The following PCDHGA9 variants were observed in gnomAD, a reference collection of about 807,000 sequenced individuals.
PCDHGA9 encodes the protein protocadherin gamma subfamily A, 9.
In PCDHGA9, 37 loss-of-function variants were observed where a neutral mutation model predicts 62.5. The ratio of observed to expected loss-of-function variants is 0.59; its 90% CI spans 0.46 to 0.78. The LOEUF is 0.78. Ranked by LOEUF, PCDHGA9 falls within the 30% of genes least tolerant of loss-of-function variation. The pLI is 0.00. For synonymous variants in PCDHGA9, 459 were observed against 484.6 expected (o/e 0.95, Z 0.69); for missense variants, 1,138 against 1,166.2 (o/e 0.98, Z 0.35).
intron 1 of PCDHGA9, among the ~76,000 whole-genome samples, chr5:141,457,224 A>G (rs1176186371): frequency 6.6e-6 from 1 of 152,158 alleles, no homozygotes; most frequent in African/African-American, 2.4e-5. Flanking sequence ...GTGGTAGGTA[A>G]TTTCCATCTA....
In PCDHGA9 at chr5:141,511,307, G is replaced by A. The variant is rs919320754; in HGVS notation, c.*134G>A. On this transcript the variant is annotated 3_prime_UTR_variant, in exon 4 of 4. Coordinates refer to ENST00000573521, the MANE Select transcript of PCDHGA9 (RefSeq NM_018921.3). ...TAGGGGCCAAGGCCATGCTCCCCTT[G>A]GGAAACAGAAACAAGTGCCCAGTCA... 8 of 1,488,416 alleles carry A rather than the reference G, an allele frequency of 5.4e-6. No individual in the cohort carries two copies. Among genetic ancestry groups the A allele is most frequent in the Non-Finnish European group, 5.4e-6 (6 of 1,115,202 alleles). The allele number at this position is 1,488,416 out of a possible 1,614,324, so 92.2% of individuals were successfully genotyped here. A position where few individuals can be genotyped will look rare whatever the true frequency, so the allele number is the denominator to read the frequency against.
Position 141,421,313 on chromosome 5 carries a change from C to T in PCDHGA9, c.2424+15937C>T, listed in dbSNP as rs201429116. 461 of 1,613,716 alleles carry T rather than the reference C, an allele frequency of 2.9e-4. No homozygotes were observed. Among genetic ancestry groups the T allele is most frequent in the Non-Finnish European group, 3.7e-4 (436 of 1,179,850 alleles). On this transcript the variant is annotated intron_variant, in intron 1 of 3. Coordinates refer to ENST00000573521, the MANE Select transcript of PCDHGA9 (RefSeq NM_018921.3). ...CTGGGGACGCTGCGGGGGTTCCGGGCCAGGCAGATCCGATATTCGGTGCCA... is the reference window on the plus strand; with the variant it reads ...CTGGGGACGCTGCGGGGGTTCCGGGTCAGGCAGATCCGATATTCGGTGCCA...
rs1484954022 is a variant in PCDHGA9 at position 141,511,920 on chromosome 5, T to C, written c.*747T>C. 1 of 156,200 alleles carries C rather than the reference T, an allele frequency of 6.4e-6. No individual in the cohort carries two copies. Among genetic ancestry groups the C allele is most frequent in the Non-Finnish European group, 1.4e-5 (1 of 70,262 alleles). The allele number at this position is 156,200 out of a possible 1,614,324, so 9.7% of individuals were successfully genotyped here. The stretch of plus-strand genomic sequence containing the variant: ...CTCCTCCTCAAACAAGAGACTCCAC[T>C]GCATGTTCCAAGACAGTATGGGGTG... On this transcript the variant is annotated 3_prime_UTR_variant, in exon 4 of 4. Coordinates refer to ENST00000573521, the MANE Select transcript of PCDHGA9 (RefSeq NM_018921.3).
rs1245270186 is a variant in PCDHGA9, at chr5:141,403,308, T to C, written c.356T>C (p.Ile119Thr). The stretch of plus-strand genomic sequence containing the variant: ...GAAGACAGAGTGAAACTGTACGGAA[T>C]AGAAATAGAAGTAACTGATATTAAC... Reference protein sequence around the residue: ...LVEDRVKLYGIEIEVTDINDS... With the variant: ...LVEDRVKLYGTEIEVTDINDS... The change falls in exon 1 of 4, where the codon ATA (isoleucine) becomes ACA (threonine). Residue 119 changes from isoleucine to threonine, a missense_variant. Physicochemically the swap from Ile to Thr is moderately conservative, Grantham distance 89. Coordinates refer to ENST00000573521, the MANE Select transcript of PCDHGA9 (RefSeq NM_018921.3). 2 of 1,613,866 alleles carry C rather than the reference T, an allele frequency of 1.2e-6. No individual in the cohort carries two copies. The highest frequency in any genetic ancestry group is 1.7e-5 in the Admixed American group (1 of 60,022).
chr5:141,427,114 A>G (rs767478190), intron 1 of PCDHGA9: 1 of 457,522 alleles, frequency 2.2e-6, no homozygotes, highest in Non-Finnish European at 4.4e-6. Flanking sequence ...GAGATCACCT[A>G]CTCTTTCAAA....
In PCDHGA9 at chr5:141,505,323, G is replaced by T. The variant is rs996747379; in HGVS notation, c.2484-70G>T. 12 of 1,606,640 alleles carry T rather than the reference G, an allele frequency of 7.5e-6. No homozygotes were observed. In the African/African-American group the frequency reaches 1.5e-4, roughly 20 times the overall value. On this transcript the variant is annotated intron_variant, in intron 2 of 3. Transcript: ENST00000573521. Reference sequence around the variant, plus strand: ...TAGGGTACTAGGTTTGGGAGCCCTGGGAGAGGACAGGAGGGGCATGAGCTG... The same window carrying T: ...TAGGGTACTAGGTTTGGGAGCCCTGTGAGAGGACAGGAGGGGCATGAGCTG...
At position 141,485,331 on chromosome 5, in the gene PCDHGA9, T is replaced by G; in HGVS notation, c.2425-9476T>G. 6.2e-7 allele frequency: 1 copy of G among 1,614,166 alleles called. No individual in the cohort carries two copies. Among genetic ancestry groups the G allele is most frequent in the Admixed American group, 1.7e-5 (1 of 60,022 alleles). Reference sequence around the variant, plus strand: ...GTAGGGAATGTCGCTCAAGATTTCCTGCTGGATACGGACAGTCTGTCAGCT... The same window carrying G: ...GTAGGGAATGTCGCTCAAGATTTCCGGCTGGATACGGACAGTCTGTCAGCT... On this transcript the variant is annotated intron_variant, in intron 1 of 3. Coordinates refer to ENST00000573521, the MANE Select transcript of PCDHGA9 (RefSeq NM_018921.3). The surrounding 1 kb of genome is among the most constrained non-coding windows in gnomAD (Gnocchi z 5.7).
rs2099410057 is a variant in PCDHGA9, at chr5:141,477,370, G to C, written c.2425-17437G>C. The C allele has an allele frequency of 6.2e-7, 1 of 1,614,054 alleles. No homozygotes were observed. On this transcript the variant is annotated intron_variant, in intron 1 of 3. Coordinates refer to ENST00000573521, the MANE Select transcript of PCDHGA9 (RefSeq NM_018921.3). This position sits in a 1 kb window ranked among gnomAD's most constrained non-coding sequence, Gnocchi z 4.9. The stretch of plus-strand genomic sequence containing the variant: ...AAACCAGTGCAGACCTGGATCGGGA[G>C]ACTGTGCCAGAATACAACCTCAGCA...
At chr5:141,408,990 A>T (rs1554103244) in intron 1 of PCDHGA9, 1 of 1,613,984 alleles carries the variant, frequency 6.2e-7, no homozygotes, top group South Asian at 1.1e-5. Flanking sequence ...CCTGTGTTGC[A>T]AGTGACAGCC....
At position 141,487,892 on chromosome 5, in the gene PCDHGA9, T is replaced by C; in HGVS notation, c.2425-6915T>C. The C allele has an allele frequency of 2.7e-6, 2 of 731,410 alleles. No individual in the cohort carries two copies. The highest frequency in any genetic ancestry group is 4.4e-6 in the Non-Finnish European group (2 of 450,094). 45.3% of individuals were successfully genotyped at this position (731,410 alleles called of 1,614,324 possible). On this transcript the variant is annotated intron_variant, in intron 1 of 3. Coordinates refer to ENST00000573521, the MANE Select transcript of PCDHGA9 (RefSeq NM_018921.3). This position sits in a 1 kb window ranked among gnomAD's most constrained non-coding sequence, Gnocchi z 5.0. ...GAGCCAGGCTGTTGTGGAAGCATGA[T>C]GATGGAATGTGGGAGCACAGGAGGC...
At chr5:141,421,993 A>G in intron 1 of PCDHGA9, 1 of 1,609,190 alleles carries the variant, frequency 6.2e-7, no homozygotes, top group South Asian at 1.1e-5. Flanking sequence ...TCCAGAAAAC[A>G]TCAGCTCCGG....
chr5:141,466,674 T>C (rs2099127051), intron 1 of PCDHGA9, among the ~76,000 whole-genome samples: 1 of 152,222 alleles, frequency 6.6e-6, no homozygotes, highest in South Asian at 2.1e-4. Flanking sequence ...TTCACCGTTC[T>C]TCCACTCAAG....
intron 1 of PCDHGA9, among the ~76,000 whole-genome samples, chr5:141,467,743 C>T (rs1166073224): frequency 8.5e-5 from 13 of 152,052 alleles, no homozygotes; most frequent in Non-Finnish European, 1.8e-4. Flanking sequence ...CTCGCTGCAA[C>T]CTCCGCCTCA....
chr5:141,460,097 G>A (rs2098982102), intron 1 of PCDHGA9, among the ~76,000 whole-genome samples: 2 of 151,812 alleles, frequency 1.3e-5, no homozygotes, highest in African/African-American at 2.4e-5. Context: ...AATTATACAT[G>A]TAATTATATA....
rs759146011 is a variant in PCDHGA9, at chr5:141,477,635, G to A, written c.2425-17172G>A. 6.2e-7 allele frequency: 1 copy of A among 1,614,138 alleles called. No homozygotes were observed. The highest frequency in any genetic ancestry group is 8.5e-7 in the Non-Finnish European group (1 of 1,180,040). On this transcript the variant is annotated intron_variant, in intron 1 of 3. Coordinates refer to ENST00000573521, the MANE Select transcript of PCDHGA9 (RefSeq NM_018921.3). This position sits in a 1 kb window ranked among gnomAD's most constrained non-coding sequence, Gnocchi z 4.9. ...GCAAGGAGCTGAAACCGGGCTAGTG[G>A]GTCGCTATTTCACAATAAATCGTGA...
chr5:141,486,379 G>A lies in PCDHGA9; in HGVS notation c.2425-8428G>A. 2 of 1,614,094 alleles carry A rather than the reference G, an allele frequency of 1.2e-6. No individual in the cohort carries two copies. Among genetic ancestry groups the A allele is most frequent in the Non-Finnish European group, 1.7e-6 (2 of 1,180,000 alleles). ...CATTTGCCCTCAAGTCTGCCTTCAG[G>A]AACCAGTTCTCCCTGGTGACTGCTG... On this transcript the variant is annotated intron_variant, in intron 1 of 3. Transcript: ENST00000573521. The surrounding 1 kb of genome is among the most constrained non-coding windows in gnomAD (Gnocchi z 5.0).
chr5:141,463,965 C>T (rs1207852177), intron 1 of PCDHGA9, among the ~76,000 whole-genome samples: 1 of 151,648 alleles, frequency 6.6e-6, no homozygotes, highest in African/African-American at 2.4e-5. Context: ...AAAATAGCTT[C>T]ATAAAACTCC....
chr5:141,446,532 A>G (rs1443843436), intron 1 of PCDHGA9, among the ~76,000 whole-genome samples: 1 of 151,788 alleles, frequency 6.6e-6, no homozygotes, highest in Non-Finnish European at 1.5e-5. Flanking sequence ...GCTGGAGTGC[A>G]GTGGCCCTAT....
chr5:141,439,368 A>C (rs1346879772), intron 1 of PCDHGA9, among the ~76,000 whole-genome samples: 1 of 152,192 alleles, frequency 6.6e-6, no homozygotes, highest in East Asian at 1.9e-4. Flanking sequence ...CATCAAGAAG[A>C]AATAAAAATA....
Sources: allele counts gnomAD v4.1 joint callset (sites outside exome capture counted in the v4.1 genomes callset), GRCh38; gene constraint gnomAD v4.1.1; non-coding constraint Gnocchi (gnomAD v3.1); transcripts MANE v1.5; gene names NCBI Gene and HGNC (gene_info 2026-07-23, HGNC 2026-07-21).